The following THSD4 variants were observed in gnomAD, a reference collection of about 807,000 sequenced individuals.
THSD4 encodes the protein thrombospondin type-1 domain-containing protein 4.
In THSD4, 69 loss-of-function variants were observed where a neutral mutation model predicts 119.0. That is an observed-to-expected ratio of 0.58 (90% CI 0.48 to 0.71). The LOEUF (loss-of-function observed/expected upper bound fraction) is 0.71, where lower values mean the gene tolerates loss of function less well. Ranked by LOEUF, THSD4 falls within the 30% of genes least tolerant of loss-of-function variation. THSD4 has a pLI of 0.00. For synonymous variants in THSD4, 524 were observed against 540.4 expected (o/e 0.97, Z 0.42); for missense variants, 1,393 against 1,391.1 (o/e 1.00, Z -0.02).
At chr15:71,676,875 T>G (rs547114386) in intron 8 of THSD4, among the ~76,000 whole-genome samples, 8 of 152,230 alleles carry the variant, frequency 5.3e-5, no homozygotes, top group Non-Finnish European at 1.2e-4. Flanking sequence ...GGGCTGTTTC[T>G]CTCTTTTGGT....
intron 7 of THSD4, among the ~76,000 whole-genome samples, chr15:71,438,665 A>C (rs899699383): frequency 6.6e-6 from 1 of 150,636 alleles, no homozygotes; most frequent in Non-Finnish European, 1.5e-5. Flanking sequence ...CCTCTTTATT[A>C]CTTGTGTATA....
At chr15:71,296,018 A>G (rs1374197629) in intron 6 of THSD4, among the ~76,000 whole-genome samples, 1 of 152,200 alleles carries the variant, frequency 6.6e-6, no homozygotes, top group Non-Finnish European at 1.5e-5. Flanking sequence ...GCTCAATAAT[A>G]TGGCAATTGT....
intron 7 of THSD4, among the ~76,000 whole-genome samples, chr15:71,476,688 A>T (rs1265114669): frequency 6.6e-6 from 1 of 152,238 alleles, no homozygotes; most frequent in East Asian, 1.9e-4. Flanking sequence ...GCTAAAGCTA[A>T]TACTATTTTC....
At chr15:71,688,703 A>G (rs868396182) in intron 8 of THSD4, among the ~76,000 whole-genome samples, 6 of 85,086 alleles carry the variant, frequency 7.1e-5, no homozygotes, top group African/African-American at 2.5e-4. Context: ...TTTGTTTTGT[A>G]TCTCTGTGTG....
chr15:71,735,858 CCTG>C (rs764368466), intron 10 of THSD4, among the ~76,000 whole-genome samples: 112 of 150,712 alleles, frequency 7.4e-4, no homozygotes, highest in Non-Finnish European at 1.5e-3. Context: ...CTCTGTCTCT[CCTG>C]CTCTGTTGCT....
At chr15:71,726,471 T>C (rs2141123272) in intron 8 of THSD4, among the ~76,000 whole-genome samples, 1 of 152,364 alleles carries the variant, frequency 6.6e-6, no homozygotes, top group Middle Eastern at 3.4e-3. Context: ...GAGCTGATCC[T>C]TGTTGAAGCT....
intron 1 of THSD4, among the ~76,000 whole-genome samples, chr15:71,123,934 A>G (rs2040431222): frequency 6.6e-6 from 1 of 152,158 alleles, no homozygotes; most frequent in Non-Finnish European, 1.5e-5. Flanking sequence ...TGCTTCTCAT[A>G]TGGTCGCACT....
rs867298786 is a variant in THSD4, at chr15:71,184,127, G to C, written c.99+29195G>C. 1.3e-5 allele frequency: 2 copies of C among 151,668 alleles called. 1 individual carries two copies. The highest frequency in any genetic ancestry group is 2.9e-5 in the Non-Finnish European group (2 of 67,868). The allele number at this position is 151,668 out of a possible 1,614,324, so 9.4% of individuals were successfully genotyped here. ...TTAAACCACATGTTTGGAGGCACAGGGTCATTCCTGCTGTTACACTGAGGT... is the reference window on the plus strand; with the variant it reads ...TTAAACCACATGTTTGGAGGCACAGCGTCATTCCTGCTGTTACACTGAGGT... On this transcript the variant is annotated intron_variant, in intron 3 of 17. Coordinates refer to ENST00000261862, the MANE Select transcript of THSD4 (RefSeq NM_024817.3).
At chr15:71,181,010 A>C (rs2043518085) in intron 3 of THSD4, among the ~76,000 whole-genome samples, 1 of 152,214 alleles carries the variant, frequency 6.6e-6, no homozygotes, top group Admixed American at 6.5e-5. Context: ...TGGCAATAAA[A>C]GTCTCTGGAA....
At chr15:71,214,925 A>C in intron 3 of THSD4, 110 bp from the exon 4 acceptor site, 1 of 1,202,242 alleles carries the variant, frequency 8.3e-7, no homozygotes, top group Non-Finnish European at 1.0e-6. Context: ...CTTATCTTTG[A>C]AACAGACTGT....
intron 14 of THSD4, among the ~76,000 whole-genome samples, chr15:71,751,207 T>A (rs1475553436): frequency 6.6e-6 from 1 of 152,236 alleles, no homozygotes; most frequent in Admixed American, 6.5e-5. Context: ...AACTCATTCG[T>A]GTTCTCAGTA....
chr15:71,621,574 T>A (rs2050419004), intron 7 of THSD4, among the ~76,000 whole-genome samples: 1 of 152,180 alleles, frequency 6.6e-6, no homozygotes, highest in Admixed American at 6.5e-5. Flanking sequence ...TCCATTGGAG[T>A]GTTAAGTTAT....
chr15:71,526,122 T>C (rs1463080281), intron 7 of THSD4, among the ~76,000 whole-genome samples: 1 of 152,200 alleles, frequency 6.6e-6, no homozygotes, highest in Non-Finnish European at 1.5e-5. Context: ...CTGGGGACAA[T>C]GCCACAATAA....
intron 3 of THSD4, among the ~76,000 whole-genome samples, chr15:71,209,063 C>T (rs2140245124): frequency 6.6e-6 from 1 of 152,056 alleles, no homozygotes; most frequent in Admixed American, 6.5e-5. Flanking sequence ...GTTATGTTAC[C>T]CTGACACCCA....
rs748117086 is a variant in THSD4 at position 71,765,218 on chromosome 15, G to A, written c.2769+19G>A. The A allele has an allele frequency of 2.5e-6, 4 of 1,609,598 alleles. No individual in the cohort carries two copies. The highest frequency in any genetic ancestry group is 1.7e-5 in the Admixed American group (1 of 59,674). ...GAGCATGGTAAGTCATGGTGCTCTTGATGGAGGTTGCATTGGCACAACGTC... is the reference window on the plus strand; with the variant it reads ...GAGCATGGTAAGTCATGGTGCTCTTAATGGAGGTTGCATTGGCACAACGTC... On this transcript the variant is annotated intron_variant, in intron 16 of 17. Coordinates refer to ENST00000261862, the MANE Select transcript of THSD4 (RefSeq NM_024817.3).
In THSD4 at chr15:71,608,245, T is replaced by TACAC. The variant is rs1290956246; in HGVS notation, c.1153-52284_1153-52283insCACA. On this transcript the variant is annotated intron_variant, in intron 7 of 17. Transcript: ENST00000261862. Reference sequence around the variant, plus strand: ...CTCAAAAAAAAAAAAAAAATATATATATATACACACACACACACACACACA... The same window carrying TACAC: ...CTCAAAAAAAAAAAAAAAATATATATACACATATACACACACACACACACACACA... 1.5e-3 allele frequency among the ~76,000 whole-genome samples: 119 copies of TACAC among 77,564 alleles called. 1 individual carries two copies. The highest frequency in any genetic ancestry group is 4.3e-3 in the African/African-American group (115 of 26,704). 50.9% of individuals were successfully genotyped at this position (77,564 alleles called of 152,430 possible). A position where few individuals can be genotyped will look rare whatever the true frequency, so the allele number is the denominator to read the frequency against.
At chr15:71,139,159 A>T (rs74021939) in intron 1 of THSD4, among the ~76,000 whole-genome samples, 1 of 152,152 alleles carries the variant, frequency 6.6e-6, no homozygotes, top group East Asian at 1.9e-4. Context: ...TACCTTGCTT[A>T]TGCCAGACCA....
At position 71,381,841 on chromosome 15, in the gene THSD4, A is replaced by G. The variant is rs1489109312; in HGVS notation, c.1016-29846A>G. Reference sequence around the variant, plus strand: ...CATAAAAGTAATTTAAATGTTAAACATTATTTCTTATTTGACAATGCTTCC... The same window carrying G: ...CATAAAAGTAATTTAAATGTTAAACGTTATTTCTTATTTGACAATGCTTCC... On this transcript the variant is annotated intron_variant, in intron 6 of 17. Transcript: ENST00000261862. Among the ~76,000 whole-genome samples, 8 of 152,302 alleles carry G rather than the reference A, an allele frequency of 5.3e-5. No homozygotes were observed. The South Asian group carries it at 1.0e-3, about 20-fold the overall frequency.
chr15:71,132,234 T>G (rs1321750025), intron 1 of THSD4, among the ~76,000 whole-genome samples: 1 of 152,240 alleles, frequency 6.6e-6, no homozygotes, highest in African/African-American at 2.4e-5. Flanking sequence ...GAATTTATCC[T>G]AAGGAACAAG....
Sources: gnomAD v4.1 joint callset for allele counts (sites outside exome capture counted in the v4.1 genomes callset) on GRCh38, gnomAD v4.1.1 for gene constraint, MANE v1.5 for transcripts, NCBI Gene and HGNC (gene_info 2026-07-23, HGNC 2026-07-21) for gene names.